TYR: variants seen among roughly 807,000 people sequenced by gnomAD.
TYR encodes the protein tyrosinase, also known as LB24-AB.
Under a neutral mutation model 51.5 loss-of-function variants are expected in TYR, and 58 were observed. The ratio of observed to expected loss-of-function variants is 1.13; its 90% CI spans 0.91 to 1.40. TYR has a LOEUF of 1.40. Among genes scored for constraint, TYR ranks in the 40% most tolerant of loss-of-function variants. TYR has a pLI of 0.00. For missense variants in TYR, 732 were observed against 647.4 expected (o/e 1.13, Z -1.42); for synonymous variants, 263 against 235.2 (o/e 1.12, Z -1.08).
intron 3 of TYR, among the ~76,000 whole-genome samples, chr11:89,256,393 C>T (rs988889569): frequency 4.0e-5 from 6 of 151,398 alleles, no homozygotes; most frequent in African/African-American, 9.7e-5. Flanking sequence ...AACCCACATT[C>T]GACTAGCTAT....
At chr11:89,229,232 G>C (rs1023272888) in intron 3 of TYR, among the ~76,000 whole-genome samples, 5 of 151,990 alleles carry the variant, frequency 3.3e-5, no homozygotes, top group African/African-American at 1.2e-4. Context: ...CATATAATGA[G>C]AATTAAGTAA....
chr11:89,251,952 C>T (rs1379502981), intron 3 of TYR, among the ~76,000 whole-genome samples: 2 of 151,818 alleles, frequency 1.3e-5, no homozygotes, highest in African/African-American at 2.4e-5. Context: ...GAGAAAAGCC[C>T]TTACTGTAGT....
intron 3 of TYR, among the ~76,000 whole-genome samples, chr11:89,262,088 C>T (rs1426769690): frequency 6.6e-6 from 1 of 151,882 alleles, no homozygotes; most frequent in Admixed American, 6.6e-5. Context: ...GATGGAGTCT[C>T]ACTCTTGTTG....
intron 3 of TYR, among the ~76,000 whole-genome samples, chr11:89,273,877 C>T (rs1427831101): frequency 2.0e-5 from 3 of 151,862 alleles, no homozygotes; most frequent in Non-Finnish European, 1.5e-5. Flanking sequence ...ACATAGTCTC[C>T]TCTCCATCCC....
chr11:89,295,187 G>A lies in TYR; in HGVS notation c.1411G>A (p.Ala471Thr), dbSNP rs1422758872. 3 of 1,614,016 alleles carry A rather than the reference G, an allele frequency of 1.9e-6. No individual in the cohort carries two copies. In the South Asian group the frequency reaches 3.3e-5, roughly 18 times the overall value. Residue 471 changes from alanine (A) to threonine (T), a missense_variant, in exon 5 of 5, where the codon GCG becomes ACG. Ala to Thr is a moderately conservative substitution (Grantham distance 58). Transcript: ENST00000263321. Reference sequence around the variant, plus strand: ...CTACATTAAGTCCTATTTGGAACAAGCGAGTCGGATCTGGTCATGGCTCCT... The same window carrying A: ...CTACATTAAGTCCTATTTGGAACAAACGAGTCGGATCTGGTCATGGCTCCT... Reference protein sequence around the residue: ...QDYIKSYLEQASRIWSWLLGA... With the variant: ...QDYIKSYLEQTSRIWSWLLGA...
intron 2 of TYR, among the ~76,000 whole-genome samples, chr11:89,222,460 C>T (rs923229177): frequency 1.1e-4 from 17 of 152,070 alleles, no homozygotes; most frequent in Non-Finnish European, 1.6e-4. Flanking sequence ...TGTTGGGTGC[C>T]GGGCACGGTG....
At chr11:89,224,814 G>T (rs574612130) in intron 2 of TYR, among the ~76,000 whole-genome samples, 1 of 152,170 alleles carries the variant, frequency 6.6e-6, no homozygotes, top group African/African-American at 2.4e-5. Flanking sequence ...TAATTACTAG[G>T]CAACAAACTT....
At chr11:89,236,080 C>G (rs1335753971) in intron 3 of TYR, among the ~76,000 whole-genome samples, 1 of 151,998 alleles carries the variant, frequency 6.6e-6, no homozygotes, top group Non-Finnish European at 1.5e-5. Flanking sequence ...TACATATTGT[C>G]AATGGATGCT....
chr11:89,198,769 A>ATATATATATATATATATATAT (rs951676764), intron 2 of TYR, among the ~76,000 whole-genome samples: 1 of 151,014 alleles, frequency 6.6e-6, no homozygotes, highest in African/African-American at 2.5e-5. Context: ...ATATATATAT[A>ATATATATATATATATATATAT]TTTTTATACT....
intron 2 of TYR, among the ~76,000 whole-genome samples, chr11:89,211,120 C>A (rs1275076825): frequency 6.6e-6 from 1 of 152,030 alleles, no homozygotes; most frequent in Non-Finnish European, 1.5e-5. Context: ...CAATATTAAC[C>A]TTAAATGTAA....
At chr11:89,254,422 T>G (rs1225141528) in intron 3 of TYR, among the ~76,000 whole-genome samples, 1 of 151,812 alleles carries the variant, frequency 6.6e-6, no homozygotes, top group Admixed American at 6.6e-5. Context: ...GAACATCGGA[T>G]AGAATTCAGC....
chr11:89,242,269 G>A (rs1400467123), intron 3 of TYR, among the ~76,000 whole-genome samples: 9 of 152,178 alleles, frequency 5.9e-5, no homozygotes, highest in Non-Finnish European at 1.2e-4. Flanking sequence ...GTGCAGTGGT[G>A]CAATCTCAGC....
chr11:89,237,449 T>C (rs1406622931), intron 3 of TYR, among the ~76,000 whole-genome samples: 4 of 152,188 alleles, frequency 2.6e-5, no homozygotes, highest in South Asian at 4.1e-4. Context: ...CACAATATAT[T>C]GATGAGCCTA....
chr11:89,200,734 T>C (rs888570321), intron 2 of TYR: 3 of 152,122 alleles, frequency 2.0e-5, no homozygotes, highest in Non-Finnish European at 4.4e-5. Flanking sequence ...ATTCAATATA[T>C]TATAATTTAT....
At chr11:89,271,147 A>G (rs1344534626) in intron 3 of TYR, among the ~76,000 whole-genome samples, 1 of 151,880 alleles carries the variant, frequency 6.6e-6, no homozygotes, top group African/African-American at 2.4e-5. Context: ...AATAATAATA[A>G]CATCTATACT....
intron 3 of TYR, among the ~76,000 whole-genome samples, chr11:89,274,997 G>T (rs1944635671): frequency 1.3e-5 from 2 of 151,776 alleles, no homozygotes; most frequent in Non-Finnish European, 2.9e-5. Context: ...TCCAGATCCA[G>T]AATCTCATGT....
chr11:89,226,780 C>T (rs915558091), intron 2 of TYR, among the ~76,000 whole-genome samples: 1 of 152,072 alleles, frequency 6.6e-6, no homozygotes, highest in Non-Finnish European at 1.5e-5. Context: ...ACATTATGAT[C>T]TTATTCACAA....
chr11:89,281,667 T>C (rs1449640400), intron 3 of TYR, among the ~76,000 whole-genome samples: 1 of 151,760 alleles, frequency 6.6e-6, no homozygotes, highest in African/African-American at 2.4e-5. Flanking sequence ...TTCAATTCTC[T>C]CATGGGTCCA....
chr11:89,181,314 C>CCTT (rs1943296799), intron 1 of TYR, among the ~76,000 whole-genome samples: 1 of 152,144 alleles, frequency 6.6e-6, no homozygotes, highest in East Asian at 1.9e-4. Flanking sequence ...TCAAGCTGGG[C>CCTT]CTTCAAGTGT....
Sources: allele counts gnomAD v4.1 joint callset (sites outside exome capture counted in the v4.1 genomes callset), GRCh38; gene constraint gnomAD v4.1.1; transcripts MANE v1.5; gene names NCBI Gene and HGNC (gene_info 2026-07-23, HGNC 2026-07-21).